The following ACTR3 variants were observed in gnomAD, a reference collection of about 807,000 sequenced individuals.
ACTR3 encodes actin related protein 3.
Under a neutral mutation model 56.8 loss-of-function variants are expected in ACTR3, and 12 were observed. That is an observed-to-expected ratio of 0.21 (90% CI 0.14 to 0.34). ACTR3 has a LOEUF of 0.34. ACTR3 is among the 10% of genes least tolerant of loss of function. The pLI, the probability that ACTR3 is intolerant of heterozygous loss-of-function variation, is 1.00. For missense variants in ACTR3, 282 were observed against 512.5 expected (o/e 0.55, Z 4.34); for synonymous variants, 162 against 167.4 (o/e 0.97, Z 0.25).
At chr2:113,940,331 A>G (rs1679901359) in intron 7 of ACTR3, among the ~76,000 whole-genome samples, 1 of 152,200 alleles carries the variant, frequency 6.6e-6, no homozygotes, top group Admixed American at 6.5e-5. Flanking sequence ...GAGTAATATA[A>G]GAACATTTTA....
chr2:113,895,708 G>A lies in ACTR3; in HGVS notation c.44+5385G>A, dbSNP rs75612119. On this transcript the variant is annotated intron_variant, in intron 1 of 11. Transcript: ENST00000263238. ...GTTTCTTCTGGCAGTTATATTTCGT[G>A]TTATTTTATTTACGGGTAGCAAAGG... Among the ~76,000 whole-genome samples the A allele has an allele frequency of 4.3e-3, 660 of 152,216 alleles. 5 individuals carry two copies. Among genetic ancestry groups the A allele is most frequent in the African/African-American group, 0.015 (635 of 41,524 alleles).
chr2:113,957,537 T>A lies in ACTR3; in HGVS notation c.*82T>A. 8.7e-7 allele frequency: 1 copy of A among 1,143,884 alleles called. No homozygotes were observed. Among genetic ancestry groups the A allele is most frequent in the Non-Finnish European group, 1.3e-6 (1 of 765,412 alleles). 70.9% of individuals were successfully genotyped at this position (1,143,884 alleles called of 1,614,324 possible). A position where few individuals can be genotyped will look rare whatever the true frequency, so the allele number is the denominator to read the frequency against. ...TACCTGTTTTGTCTGGATGGCTGGT[T>A]TTGAGGTTTTAAACCTGACTTGAAA... On this transcript the variant is annotated 3_prime_UTR_variant, in exon 12 of 12. Transcript: ENST00000263238.
chr2:113,929,389 C>T (rs867088755), intron 4 of ACTR3, among the ~76,000 whole-genome samples: 27 of 151,994 alleles, frequency 1.8e-4, no homozygotes, highest in Non-Finnish European at 1.0e-4. Context: ...GATCCTCCCG[C>T]CATGGCCTCT....
chr2:113,935,763 A>C (rs2104613681), intron 6 of ACTR3, among the ~76,000 whole-genome samples: 1 of 152,200 alleles, frequency 6.6e-6, no homozygotes, highest in African/African-American at 2.4e-5. Flanking sequence ...TAAATATTAT[A>C]TTTTTCTTTG....
chr2:113,918,123 C>T (rs1679441754), intron 3 of ACTR3, among the ~76,000 whole-genome samples: 1 of 152,068 alleles, frequency 6.6e-6, no homozygotes, highest in South Asian at 2.1e-4. Flanking sequence ...TATAGGTAGG[C>T]AGGAAAGAGC....
intron 4 of ACTR3, among the ~76,000 whole-genome samples, chr2:113,931,089 T>A (rs1024014281): frequency 1.7e-4 from 26 of 152,194 alleles, no homozygotes; most frequent in African/African-American, 5.8e-4. Context: ...ATTTTTTTTT[T>A]AAAATGTGAA....
Position 113,903,317 on chromosome 2 carries a change from C to CTAAT in ACTR3, c.45-9852_45-9851insTTAA, listed in dbSNP as rs1679135234. 2.0e-5 allele frequency among the ~76,000 whole-genome samples: 3 copies of CTAAT among 152,154 alleles called. No individual in the cohort carries two copies. In the South Asian group the frequency reaches 6.2e-4, roughly 31 times the overall value. ...GGGTGTTCTTGAGCCTCTTAAATCT[C>CTAAT]TAAATTTCTGTCTTTCACTAAATTG... On this transcript the variant is annotated intron_variant, in intron 1 of 11. Coordinates refer to ENST00000263238, the MANE Select transcript of ACTR3 (RefSeq NM_005721.5).
intron 6 of ACTR3, among the ~76,000 whole-genome samples, chr2:113,939,032 T>A (rs1298531497): frequency 6.6e-6 from 1 of 151,812 alleles, no homozygotes; most frequent in Admixed American, 6.6e-5. Context: ...TTTCTTTCTT[T>A]TTTTTTTTTG....
At chr2:113,933,901 C>T (rs756568976) in intron 5 of ACTR3, 7 of 168,558 alleles carry the variant, frequency 4.2e-5, no homozygotes, top group South Asian at 1.4e-4. Flanking sequence ...AGGAAGGTCT[C>T]GATCTCCTGA....
At chr2:113,926,524 A>G (rs533150275) in intron 3 of ACTR3, among the ~76,000 whole-genome samples, 1 of 152,340 alleles carries the variant, frequency 6.6e-6, no homozygotes, top group African/African-American at 2.4e-5. Flanking sequence ...AGGAAGTCCA[A>G]GATGAGTTGG....
At chr2:113,890,380 G>A in intron 1 of ACTR3, 57 bp downstream of exon 1, 1 of 1,405,470 alleles carries the variant, frequency 7.1e-7, no homozygotes, top group Non-Finnish European at 9.6e-7. Context: ...GAAGATGGCG[G>A]GGGAGGGAGG....
intron 6 of ACTR3, among the ~76,000 whole-genome samples, chr2:113,935,997 A>G (rs993601368): frequency 1.3e-5 from 2 of 152,200 alleles, no homozygotes; most frequent in Non-Finnish European, 2.9e-5. Context: ...TAAGGACATT[A>G]AGAGTGGGTA....
chr2:113,934,490 T>A (rs1679788393), intron 6 of ACTR3, 104 bp downstream of exon 6: 1 of 740,080 alleles, frequency 1.4e-6, no homozygotes, highest in African/African-American at 1.8e-5. Context: ...AATGCTGCAC[T>A]ATAATTTGGC....
chr2:113,890,364 A>G (rs1574342664), intron 1 of ACTR3, 41 bp downstream of exon 1: 1 of 883,856 alleles, frequency 1.1e-6, no homozygotes. Flanking sequence ...ACTGAGGCGG[A>G]GGAAGGAAGA....
chr2:113,936,001 G>A (rs1275813087), intron 6 of ACTR3, among the ~76,000 whole-genome samples: 3 of 152,104 alleles, frequency 2.0e-5, no homozygotes, highest in Non-Finnish European at 4.4e-5. Flanking sequence ...GACATTAAGA[G>A]TGGGTATTCT....
chr2:113,892,765 A>G (rs1239943043), intron 1 of ACTR3, among the ~76,000 whole-genome samples: 2 of 152,232 alleles, frequency 1.3e-5, no homozygotes, highest in Non-Finnish European at 2.9e-5. Flanking sequence ...AGTTTAAGTA[A>G]AAAGTTATAA....
intron 6 of ACTR3, among the ~76,000 whole-genome samples, chr2:113,938,974 A>G (rs543150164): frequency 6.5e-4 from 99 of 151,914 alleles, no homozygotes; most frequent in Non-Finnish European, 1.1e-3. Context: ...TTTCTTAGAA[A>G]GTATCTCTGC....
At position 113,961,778 on chromosome 2, in the gene ACTR3, G is replaced by C. The variant is rs959018708; in HGVS notation, c.*4323G>C. The stretch of plus-strand genomic sequence containing the variant: ...CTAGATAAGATTTGAGAGATAGTAA[G>C]TGCGGAATTTCTCTTCATAAAAATG... On this transcript the variant is annotated 3_prime_UTR_variant, in exon 12 of 12. Coordinates refer to ENST00000263238, the MANE Select transcript of ACTR3 (RefSeq NM_005721.5). 6.6e-6 allele frequency: 1 copy of C among 151,996 alleles called. No homozygotes were observed. The highest frequency in any genetic ancestry group is 2.4e-5 in the African/African-American group (1 of 41,440). The allele number at this position is 151,996 out of a possible 1,614,324, so 9.4% of individuals were successfully genotyped here.
Position 113,957,265 on chromosome 2 carries a change from T to C in ACTR3, c.1162-95T>C, listed in dbSNP as rs570836305. ...AATAATAAACATTTTAGACTTAACA[T>C]CTATTTTAAAGCATCACTCTTAAAG... On this transcript the variant is annotated intron_variant, in intron 11 of 11. Transcript: ENST00000263238. 1.7e-3 allele frequency: 1,408 copies of C among 824,132 alleles called. 18 individuals carry two copies. The highest frequency in any genetic ancestry group is 0.015 in the South Asian group (910 of 58,820). The allele number at this position is 824,132 out of a possible 1,614,324, so 51.1% of individuals were successfully genotyped here. A position where few individuals can be genotyped will look rare whatever the true frequency, so the allele number is the denominator to read the frequency against.
Sources: gnomAD v4.1 joint callset for allele counts (sites outside exome capture counted in the v4.1 genomes callset) on GRCh38, gnomAD v4.1.1 for gene constraint, MANE v1.5 for transcripts, NCBI Gene and HGNC (gene_info 2026-07-23, HGNC 2026-07-21) for gene names.